The following THRB variants were observed in gnomAD, a reference collection of about 807,000 sequenced individuals.
THRB encodes nuclear receptor subfamily 1 group A member 2.
In THRB, 12 loss-of-function variants were observed where a neutral mutation model predicts 47.8. The ratio of observed to expected loss-of-function variants is 0.25; its 90% CI spans 0.16 to 0.41. The LOEUF (loss-of-function observed/expected upper bound fraction) is 0.41. THRB is among the 10% of genes least tolerant of loss of function. THRB has a pLI of 1.00. For missense variants in THRB, 348 were observed against 589.2 expected (o/e 0.59, Z 4.24); for synonymous variants, 218 against 212.2 (o/e 1.03, Z -0.24).
At chr3:24,315,884 T>A (rs1428550472) in intron 2 of THRB, among the ~76,000 whole-genome samples, 1 of 152,216 alleles carries the variant, frequency 6.6e-6, no homozygotes, top group Non-Finnish European at 1.5e-5. Context: ...CCTCATATGT[T>A]TAAAGTTTCC....
chr3:24,193,231 T>C (rs888099250), intron 4 of THRB, among the ~76,000 whole-genome samples: 4 of 152,216 alleles, frequency 2.6e-5, no homozygotes, highest in Admixed American at 6.5e-5. Context: ...TATTTCTTTT[T>C]AGGGAGATTA....
chr3:24,284,067 T>C (rs1364183834), intron 3 of THRB, among the ~76,000 whole-genome samples: 5 of 139,918 alleles, frequency 3.6e-5, no homozygotes, highest in Admixed American at 3.5e-4. Flanking sequence ...CTTCACAGAA[T>C]TGGAAAAAAC....
At chr3:24,288,507 T>C (rs1438020485) in intron 3 of THRB, among the ~76,000 whole-genome samples, 2 of 152,204 alleles carry the variant, frequency 1.3e-5, no homozygotes, top group Non-Finnish European at 2.9e-5. Flanking sequence ...ATTTTTTGGC[T>C]GAGGCTGTCC....
At chr3:24,149,090 G>A (rs912878284) in intron 6 of THRB, among the ~76,000 whole-genome samples, 2 of 152,134 alleles carry the variant, frequency 1.3e-5, no homozygotes, top group African/African-American at 4.8e-5. Context: ...AGCATGCCAT[G>A]AGAGTGAAAA....
intron 5 of THRB, among the ~76,000 whole-genome samples, chr3:24,173,082 G>A (rs1481135814): frequency 6.6e-6 from 1 of 152,148 alleles, no homozygotes; most frequent in Non-Finnish European, 1.5e-5. Flanking sequence ...AGCATATCCT[G>A]GAACTTCTTA....
At chr3:24,247,773 G>A (rs1344800634) in intron 3 of THRB, among the ~76,000 whole-genome samples, 1 of 152,150 alleles carries the variant, frequency 6.6e-6, no homozygotes, top group Non-Finnish European at 1.5e-5. Flanking sequence ...GCTTCTTTGT[G>A]AAGAATTAGA....
intron 1 of THRB, among the ~76,000 whole-genome samples, chr3:24,398,671 G>T (rs1331632823): frequency 6.6e-6 from 1 of 152,096 alleles, no homozygotes; most frequent in Admixed American, 6.6e-5. Context: ...TCAGTGTGGC[G>T]ATTCCTCAGG....
chr3:24,290,705 T>C (rs1311244294), intron 3 of THRB, among the ~76,000 whole-genome samples: 1 of 152,198 alleles, frequency 6.6e-6, no homozygotes, highest in African/African-American at 2.4e-5. Flanking sequence ...CAATTGTTGA[T>C]CCTGGGATGG....
chr3:24,299,264 A>AG (rs1456615268), intron 2 of THRB, among the ~76,000 whole-genome samples: 5 of 150,508 alleles, frequency 3.3e-5, no homozygotes, highest in African/African-American at 1.2e-4. Context: ...AAAAAAAAAA[A>AG]AAAAAAAAAG....
At chr3:24,229,462 T>C (rs2048030652) in intron 3 of THRB, among the ~76,000 whole-genome samples, 1 of 152,166 alleles carries the variant, frequency 6.6e-6, no homozygotes, top group Non-Finnish European at 1.5e-5. Context: ...GACCCCCAGG[T>C]GATTCATGTG....
intron 1 of THRB, among the ~76,000 whole-genome samples, chr3:24,357,588 T>C (rs1331435429): frequency 6.6e-6 from 1 of 152,016 alleles, no homozygotes; most frequent in Admixed American, 6.6e-5. Flanking sequence ...CTTTTTTTCA[T>C]AGAAGAGTAT....
chr3:24,303,256 C>T (rs9839513), intron 2 of THRB, among the ~76,000 whole-genome samples: 1,809 of 152,306 alleles, frequency 0.012, 32 homozygotes, highest in African/African-American at 0.04. Flanking sequence ...TGCTGTGAAT[C>T]TTTGCAGTGC....
chr3:24,210,639 T>C (rs1188436392), intron 4 of THRB, among the ~76,000 whole-genome samples: 2 of 152,210 alleles, frequency 1.3e-5, no homozygotes, highest in Non-Finnish European at 2.9e-5. Context: ...CCAATGCTTC[T>C]GATTCAAAGC....
chr3:24,451,961 A>G (rs2072702941), intron 1 of THRB, among the ~76,000 whole-genome samples: 1 of 152,202 alleles, frequency 6.6e-6, no homozygotes, highest in African/African-American at 2.4e-5. Context: ...TAGGGGCCTA[A>G]GCCCCAACCT....
chr3:24,449,372 G>A (rs1385229735), intron 1 of THRB, among the ~76,000 whole-genome samples: 2 of 152,088 alleles, frequency 1.3e-5, no homozygotes, highest in Admixed American at 1.3e-4. Context: ...CTATCCTCAG[G>A]CAGGTCTGAT....
chr3:24,120,326 A>G lies in THRB; in HGVS notation c.*2558T>C, dbSNP rs2031458510. ...AAGGCAATCAATCATTTAAGGTGCCAAGGATCAAACGTTCCTTTACTTGCG... is the reference window on the plus strand; with the variant it reads ...AAGGCAATCAATCATTTAAGGTGCCGAGGATCAAACGTTCCTTTACTTGCG... On this transcript the variant is annotated 3_prime_UTR_variant, in exon 11 of 11. Coordinates refer to ENST00000646209, the MANE Select transcript of THRB (RefSeq NM_001354712.2). The G allele has an allele frequency of 6.6e-6, 1 of 152,246 alleles. No homozygotes were observed. The highest frequency in any genetic ancestry group is 2.4e-5 in the African/African-American group (1 of 41,460). 9.4% of individuals were successfully genotyped at this position (152,246 alleles called of 1,614,324 possible).
intron 3 of THRB, among the ~76,000 whole-genome samples, chr3:24,252,403 A>G (rs781093631): frequency 1.5e-4 from 23 of 152,108 alleles, no homozygotes; most frequent in Non-Finnish European, 3.2e-4. Flanking sequence ...AACAGTAAAC[A>G]TCTAGAAAAA....
At chr3:24,425,582 T>C (rs1175161040) in intron 1 of THRB, among the ~76,000 whole-genome samples, 1 of 151,992 alleles carries the variant, frequency 6.6e-6, no homozygotes, top group East Asian at 1.9e-4. Flanking sequence ...ATAAGAACTA[T>C]AAATAATTTG....
intron 1 of THRB, among the ~76,000 whole-genome samples, chr3:24,438,009 A>T (rs1445601256): frequency 4.0e-5 from 6 of 151,810 alleles, no homozygotes; most frequent in African/African-American, 1.5e-4. Flanking sequence ...CAAGGGCTTT[A>T]TACTTTCCTA....
Sources: allele counts gnomAD v4.1 joint callset (sites outside exome capture counted in the v4.1 genomes callset), GRCh38; gene constraint gnomAD v4.1.1; transcripts MANE v1.5; gene names NCBI Gene and HGNC (gene_info 2026-07-23, HGNC 2026-07-21).